The following MYO18B variants were observed in gnomAD, a reference collection of about 807,000 sequenced individuals.
MYO18B encodes myosin XVIIIB.
MYO18B carries 204 observed loss-of-function variants against 273.0 expected under a neutral mutation model. The ratio of observed to expected loss-of-function variants is 0.75; its 90% confidence interval spans 0.67 to 0.84. The LOEUF (loss-of-function observed/expected upper bound fraction) is 0.84. Ranked by LOEUF, MYO18B falls within the 40% of genes least tolerant of loss-of-function variation. MYO18B has a pLI of 0.00. For missense variants in MYO18B, 3,212 were observed against 3,287.6 expected (o/e 0.98, Z 0.56); for synonymous variants, 1,330 against 1,305.7 (o/e 1.02, Z -0.40).
At chr22:25,872,444 T>C (rs942466644) in intron 22 of MYO18B, among the ~76,000 whole-genome samples, 2 of 152,344 alleles carry the variant, frequency 1.3e-5, no homozygotes, top group Non-Finnish European at 2.9e-5. Context: ...TGGCAACTGA[T>C]TCTGCAAACT....
chr22:25,937,127 G>A (rs192663385), intron 34 of MYO18B, among the ~76,000 whole-genome samples: 4 of 151,552 alleles, frequency 2.6e-5, no homozygotes, highest in African/African-American at 7.3e-5. Flanking sequence ...TCACCCAGGC[G>A]GGAGTGCAGT....
At chr22:25,952,197 C>A in intron 37 of MYO18B, 89 bp from the exon 38 acceptor site, 1 of 1,442,396 alleles carries the variant, frequency 6.9e-7, no homozygotes, top group Non-Finnish European at 9.5e-7. Flanking sequence ...TGAATAGCTC[C>A]TCCCACCCTC....
intron 25 of MYO18B, among the ~76,000 whole-genome samples, chr22:25,889,294 C>T (rs1262908008): frequency 1.3e-5 from 2 of 152,114 alleles, no homozygotes; most frequent in Non-Finnish European, 2.9e-5. Context: ...AGGGCAGCTA[C>T]GTTGCTCATT....
chr22:25,944,320 T>C (rs1362386306), intron 34 of MYO18B, among the ~76,000 whole-genome samples: 1 of 152,228 alleles, frequency 6.6e-6, no homozygotes, highest in Non-Finnish European at 1.5e-5. Context: ...AGCCCTCTTT[T>C]GCTGGGCCCA....
intron 12 of MYO18B, among the ~76,000 whole-genome samples, chr22:25,800,199 G>A (rs979358363): frequency 1.3e-5 from 2 of 151,968 alleles, no homozygotes; most frequent in African/African-American, 4.8e-5. Flanking sequence ...AGGTTAAGAG[G>A]GGGTGAAGGA....
intron 13 of MYO18B, 118 bp downstream of exon 13, chr22:25,823,796 G>C: frequency 9.1e-7 from 1 of 1,102,998 alleles, no homozygotes; most frequent in Non-Finnish European, 1.3e-6. Context: ...TGCTATGAAG[G>C]CGTGTGTTAG....
intron 31 of MYO18B, among the ~76,000 whole-genome samples, chr22:25,905,636 A>G (rs1310402544): frequency 1.3e-5 from 2 of 152,226 alleles, no homozygotes; most frequent in Non-Finnish European, 2.9e-5. Context: ...GAAGACAGAC[A>G]GGATAGTCGT....
At chr22:26,039,030 C>T in the MYO18B span, among the ~76,000 whole-genome samples, 1 of 152,136 alleles carries the variant, frequency 6.6e-6, no homozygotes, top group Non-Finnish European at 1.5e-5. Context: ...CTCTTGGAGT[C>T]TGATATTCGA....
chr22:25,808,271 C>G (rs1176834392), intron 12 of MYO18B, among the ~76,000 whole-genome samples: 1 of 152,160 alleles, frequency 6.6e-6, no homozygotes, highest in East Asian at 1.9e-4. Flanking sequence ...TGTTAAAATC[C>G]TCTCCAAGTT....
chr22:25,796,761 T>TG (rs1426436990), intron 11 of MYO18B, among the ~76,000 whole-genome samples: 1 of 152,316 alleles, frequency 6.6e-6, no homozygotes, highest in East Asian at 1.9e-4. Context: ...GATTGATTAA[T>TG]GATGTCTGTT....
At chr22:25,767,642 C>T (rs1337102363) in intron 3 of MYO18B, among the ~76,000 whole-genome samples, 8 of 152,176 alleles carry the variant, frequency 5.3e-5, no homozygotes, top group African/African-American at 1.7e-4. Context: ...CCTGGATCCC[C>T]TACTCGCCTA....
intron 1 of MYO18B, among the ~76,000 whole-genome samples, chr22:25,747,885 C>CA (rs1314367045): frequency 6.6e-6 from 1 of 152,162 alleles, no homozygotes; most frequent in Non-Finnish European, 1.5e-5. Context: ...CCCCATTTGA[C>CA]AGACAGAGGA....
chr22:25,993,435 T>G (rs1601781085), intron 40 of MYO18B, among the ~76,000 whole-genome samples: 2 of 152,196 alleles, frequency 1.3e-5, no homozygotes, highest in East Asian at 3.8e-4. Context: ...GCCTGCAAGC[T>G]GCCCCTGTAC....
At chr22:26,060,589 A>G in the MYO18B span, among the ~76,000 whole-genome samples, 2 of 152,208 alleles carry the variant, frequency 1.3e-5, no homozygotes, top group African/African-American at 4.8e-5. Flanking sequence ...ATACACACGT[A>G]TACACACACA....
the MYO18B span, among the ~76,000 whole-genome samples, chr22:26,057,589 T>C: frequency 4.9e-4 from 74 of 151,534 alleles, no homozygotes; most frequent in African/African-American, 1.8e-3. Flanking sequence ...TTCTTAACCA[T>C]GCTACAGTTT....
At chr22:25,908,177 T>A in intron 31 of MYO18B, 145 bp from the exon 32 acceptor site, 1 of 644,592 alleles carries the variant, frequency 1.6e-6, no homozygotes, top group Non-Finnish European at 2.8e-6. Flanking sequence ...CCATTTGTGA[T>A]CTTCCAGGAT....
At chr22:25,939,697 G>A (rs1234228782) in intron 34 of MYO18B, among the ~76,000 whole-genome samples, 2 of 152,210 alleles carry the variant, frequency 1.3e-5, no homozygotes, top group Non-Finnish European at 2.9e-5. Flanking sequence ...AGAATGGGAA[G>A]TGGATGCTGG....
the MYO18B span, among the ~76,000 whole-genome samples, chr22:26,063,518 G>C: frequency 6.6e-6 from 1 of 152,116 alleles, no homozygotes; most frequent in Admixed American, 6.5e-5. Flanking sequence ...GTAGCCAGAG[G>C]GGGCAGTCAG....
At chr22:25,805,411 C>T (rs939105510) in intron 12 of MYO18B, among the ~76,000 whole-genome samples, 5 of 152,192 alleles carry the variant, frequency 3.3e-5, no homozygotes, top group Non-Finnish European at 7.3e-5. Flanking sequence ...CAGGTTGGAC[C>T]AGGGCAAGAT....
Sources: gnomAD v4.1 joint callset for allele counts (sites outside exome capture counted in the v4.1 genomes callset) on GRCh38, gnomAD v4.1.1 for gene constraint, MANE v1.5 for transcripts, NCBI Gene and HGNC (gene_info 2026-07-23, HGNC 2026-07-21) for gene names.